The following CBFA2T3 variants were observed in gnomAD, a reference collection of about 807,000 sequenced individuals.
The protein encoded by CBFA2T3 is transcriptional corepressor CBFA2T3.
CBFA2T3 carries 31 observed loss-of-function variants against 58.6 expected under a neutral mutation model. The observed-to-expected ratio is 0.53, with a 90% confidence interval of 0.40 to 0.71. CBFA2T3 has a LOEUF of 0.71. Ranked by LOEUF, CBFA2T3 falls within the 30% of genes least tolerant of loss-of-function variation. The pLI is 0.00. For missense variants in CBFA2T3, 1,076 were observed against 963.1 expected (o/e 1.12, Z -1.55); for synonymous variants, 531 against 421.9 (o/e 1.26, Z -3.17).
chr16:88,923,071 G>C (rs1765809975), intron 1 of CBFA2T3, among the ~76,000 whole-genome samples: 1 of 152,182 alleles, frequency 6.6e-6, no homozygotes, highest in African/African-American at 2.4e-5. Flanking sequence ...CTCCCACCAG[G>C]TCCCTCCAAA....
chr16:88,932,183 TCACA>T (rs1971332242), intron 1 of CBFA2T3, among the ~76,000 whole-genome samples: 1 of 43,410 alleles, frequency 2.3e-5, no homozygotes, highest in Non-Finnish European at 4.5e-5. Flanking sequence ...TGCTTCCCCC[TCACA>T]CGGCCCCCGC....
intron 5 of CBFA2T3, among the ~76,000 whole-genome samples, chr16:88,888,288 G>T (rs987574054): frequency 1.4e-4 from 21 of 149,558 alleles, no homozygotes; most frequent in Admixed American, 1.4e-3. Context: ...TGGGCCTGGC[G>T]GGCTGTGGAT....
intron 2 of CBFA2T3, among the ~76,000 whole-genome samples, chr16:88,900,243 G>A (rs1304728340): frequency 2.0e-5 from 3 of 152,262 alleles, no homozygotes; most frequent in Non-Finnish European, 4.4e-5. Context: ...CTGCCTCTGG[G>A]CGGCACACCT....
At chr16:88,941,086 G>A (rs1971709006) in intron 1 of CBFA2T3, 2 of 984,670 alleles carry the variant, frequency 2.0e-6, no homozygotes, top group Admixed American at 6.2e-5. Flanking sequence ...TCCGGGAGTC[G>A]CTGCTCCTTC....
rs1207829544 is a variant in CBFA2T3, at chr16:88,876,743, G to A, written c.*233C>T. 19 of 465,040 alleles carry A rather than the reference G, an allele frequency of 4.1e-5. No homozygotes were observed. Among genetic ancestry groups the A allele is most frequent in the Admixed American group, 1.7e-4 (4 of 23,624 alleles). The allele number at this position is 465,040 out of a possible 1,614,324, so 28.8% of individuals were successfully genotyped here. A position where few individuals can be genotyped will look rare whatever the true frequency, so the allele number is the denominator to read the frequency against. ...GAAGAGACGTTGTCAGGAGGTCTCC[G>A]CGCGGAATCATTAGGTAGCTGAGGC... On this transcript the variant is annotated 3_prime_UTR_variant, in exon 12 of 12. Transcript: ENST00000268679.
At chr16:88,932,626 G>A (rs768387378) in intron 1 of CBFA2T3, among the ~76,000 whole-genome samples, 35 of 151,662 alleles carry the variant, frequency 2.3e-4, no homozygotes, top group African/African-American at 4.1e-4. Context: ...CAGCCTGAGC[G>A]ATAGAGGGAG....
chr16:88,968,649 C>G (rs1567640353), intron 1 of CBFA2T3, among the ~76,000 whole-genome samples: 1 of 152,256 alleles, frequency 6.6e-6, no homozygotes, highest in Non-Finnish European at 1.5e-5. Flanking sequence ...CTGTCCGTCC[C>G]CCGCCTGTCA....
intron 5 of CBFA2T3, among the ~76,000 whole-genome samples, chr16:88,888,958 G>A (rs1404785235): frequency 6.6e-6 from 1 of 151,912 alleles, no homozygotes; most frequent in Non-Finnish European, 1.5e-5. Flanking sequence ...GGGGACACCA[G>A]GGCCTGACCA....
At chr16:88,903,240 C>T (rs1005173739) in intron 1 of CBFA2T3, among the ~76,000 whole-genome samples, 4 of 152,238 alleles carry the variant, frequency 2.6e-5, no homozygotes, top group Admixed American at 6.5e-5. Context: ...TCTGCTGATC[C>T]TCTTGCCGCC....
At chr16:88,944,182 A>G (rs575977354) in intron 1 of CBFA2T3, among the ~76,000 whole-genome samples, 2 of 151,966 alleles carry the variant, frequency 1.3e-5, no homozygotes, top group South Asian at 4.2e-4. Flanking sequence ...CTAAAAATAC[A>G]AAAAATTAGC....
In CBFA2T3 at chr16:88,927,349, T is replaced by A. The variant is rs538707545; in HGVS notation, c.152-25693A>T. Among the ~76,000 whole-genome samples, 10 of 152,186 alleles carry A rather than the reference T, an allele frequency of 6.6e-5. No individual in the cohort carries two copies. The East Asian group carries it at 1.9e-3, about 29-fold the overall frequency. ...AGGTGAGGCCGCTGGGCCCCATCTG[T>A]GGGGAGAGGCAGCTGGAAACTGGGG... On this transcript the variant is annotated intron_variant, in intron 1 of 11. Transcript: ENST00000268679.
In CBFA2T3 at chr16:88,879,398, C is replaced by T. The variant is rs138972836; in HGVS notation, c.1534G>A (p.Ala512Thr). 123 of 1,612,888 alleles carry T rather than the reference C, an allele frequency of 7.6e-5. No homozygotes were observed. The highest frequency in any genetic ancestry group is 6.8e-4 in the South Asian group (62 of 91,070). The change falls in exon 11 of 12, where the codon GCG (alanine) becomes ACG (threonine). Residue 512 changes from alanine (A) to threonine (T), a missense_variant. Coordinates refer to ENST00000268679, the MANE Select transcript of CBFA2T3 (RefSeq NM_005187.6). ...MSELQKAVSD[A>T]ERKAHELITT... Reference sequence around the variant, plus strand: ...ATGAGCTCGTGCGCTTTGCGCTCCGCGTCCGACACGGCTTTCTGCAGCTCC... The same window carrying T: ...ATGAGCTCGTGCGCTTTGCGCTCCGTGTCCGACACGGCTTTCTGCAGCTCC...
At chr16:88,942,043 C>CGCTTCCCGCGAGG (rs1445184028) in intron 1 of CBFA2T3, among the ~76,000 whole-genome samples, 2 of 152,060 alleles carry the variant, frequency 1.3e-5, no homozygotes, top group Non-Finnish European at 2.9e-5. Flanking sequence ...GCGAAGCCCT[C>CGCTTCCCGCGAGG]GCTTCCCGCG....
Position 88,975,363 on chromosome 16 carries a change from C to T in CBFA2T3, c.151+1294G>A, listed in dbSNP as rs1032395500. Among the ~76,000 whole-genome samples the T allele has an allele frequency of 7.2e-5, 11 of 152,198 alleles. 1 individual carries two copies. The South Asian group carries it at 1.7e-3, about 23-fold the overall frequency. Reference sequence around the variant, plus strand: ...GACACCCCCGTCCTTCCACAGTAGACGCCCCCATCCTAACAAAGCGGCGGC... The same window carrying T: ...GACACCCCCGTCCTTCCACAGTAGATGCCCCCATCCTAACAAAGCGGCGGC... On this transcript the variant is annotated intron_variant, in intron 1 of 11. Transcript: ENST00000268679.
At position 88,885,088 on chromosome 16, in the gene CBFA2T3, G is replaced by A. The variant is rs773342006; in HGVS notation, c.1075C>T (p.His359Tyr). 5.6e-6 allele frequency: 9 copies of A among 1,602,256 alleles called. No individual in the cohort carries two copies. In the East Asian group the frequency reaches 2.0e-4, roughly 36 times the overall value. ...MAHHFRDAYR[H>Y]PDPRELRERH... ...TCTCGTAGCTCCCGGGGGTCTGGGTGGCGGTAGGCATCTCGGAAGTGGTGG... is the reference window on the plus strand; with the variant it reads ...TCTCGTAGCTCCCGGGGGTCTGGGTAGCGGTAGGCATCTCGGAAGTGGTGG... Residue 359 changes from histidine (H) to tyrosine (Y), a missense_variant, in exon 7 of 12, where the codon CAC (histidine) becomes TAC (tyrosine). Transcript: ENST00000268679. This position sits in a 1 kb window ranked among gnomAD's most constrained non-coding sequence, Gnocchi z 5.3.
At chr16:88,929,496 C>G (rs553587165) in intron 1 of CBFA2T3, among the ~76,000 whole-genome samples, 3 of 152,330 alleles carry the variant, frequency 2.0e-5, no homozygotes, top group East Asian at 3.9e-4. Flanking sequence ...AGGAATCCAA[C>G]CAAGAGAAAT....
intron 1 of CBFA2T3, among the ~76,000 whole-genome samples, chr16:88,943,649 G>T (rs1254729713): frequency 6.6e-6 from 1 of 152,166 alleles, no homozygotes; most frequent in East Asian, 1.9e-4. Context: ...GCACAGAGCT[G>T]GGCACCGTCT....
chr16:88,888,558 A>AGGGGTGGGGTGGGAG (rs1969486645), intron 5 of CBFA2T3, among the ~76,000 whole-genome samples: 1 of 548 alleles, frequency 1.8e-3, no homozygotes, highest in Non-Finnish European at 3.3e-3. Flanking sequence ...GGGGTGGGGT[A>AGGGGTGGGGTGGGAG]GGGGTGGGGT....
At chr16:88,878,883 T>C (rs180714082) in intron 11 of CBFA2T3, among the ~76,000 whole-genome samples, 5 of 151,662 alleles carry the variant, frequency 3.3e-5, no homozygotes, top group Non-Finnish European at 7.4e-5. Context: ...GAGGCGGAGG[T>C]TGTAATGAGC....
Sources: gnomAD v4.1 joint callset for allele counts (sites outside exome capture counted in the v4.1 genomes callset) on GRCh38, gnomAD v4.1.1 for gene constraint, Gnocchi (gnomAD v3.1) non-coding constraint, MANE v1.5 for transcripts, NCBI Gene and HGNC (gene_info 2026-07-23, HGNC 2026-07-21) for gene names.